The following NXN variants were observed in gnomAD, a reference collection of about 807,000 sequenced individuals.
NXN encodes the protein nucleoredoxin 1.
Under a neutral mutation model 48.6 loss-of-function variants are expected in NXN, and 16 were observed. The ratio of observed to expected loss-of-function variants is 0.33; its 90% CI spans 0.22 to 0.50. The LOEUF is 0.50. Among genes scored for constraint, NXN ranks in the 20% least tolerant of loss-of-function variants. The pLI is 0.98. For synonymous variants in NXN, 281 were observed against 269.6 expected, an observed-to-expected ratio of 1.04 and a Z score of -0.41; for missense variants, 492 against 605.5, an observed-to-expected ratio of 0.81 and a Z score of 1.97.
chr17:836,710 C>T (rs768432514), intron 1 of NXN, among the ~76,000 whole-genome samples: 3 of 152,176 alleles, frequency 2.0e-5, no homozygotes, highest in Non-Finnish European at 2.9e-5. Context: ...ATAACAGAAC[C>T]TACACCTCAC....
rs868002273 is a variant in NXN, at chr17:893,755, C to T, written c.361-67677G>A. ...CTCAACCCCTGGAAGCCAGAGGAAGCATCTCAACTCCCTGGAAGCCAGAGG... is the reference window on the plus strand; with the variant it reads ...CTCAACCCCTGGAAGCCAGAGGAAGTATCTCAACTCCCTGGAAGCCAGAGG... On this transcript the variant is annotated intron_variant, in intron 1 of 7. Transcript: ENST00000336868. Among the ~76,000 whole-genome samples the T allele has an allele frequency of 9.2e-3, 218 of 23,702 alleles. 5 individuals carry two copies. The highest frequency in any genetic ancestry group is 0.026 in the African/African-American group (70 of 2,692). 15.5% of individuals were successfully genotyped at this position (23,702 alleles called of 152,430 possible). A position where few individuals can be genotyped will look rare whatever the true frequency, so the allele number is the denominator to read the frequency against.
chr17:951,058 C>A (rs188401433), intron 1 of NXN, among the ~76,000 whole-genome samples: 31 of 151,610 alleles, frequency 2.0e-4, no homozygotes, highest in Non-Finnish European at 2.9e-5. Flanking sequence ...CACTTCCGGC[C>A]GGGCACGGTG....
chr17:906,185 A>C (rs4968126), intron 1 of NXN, among the ~76,000 whole-genome samples: 2 of 151,918 alleles, frequency 1.3e-5, no homozygotes, highest in Admixed American at 1.3e-4. Context: ...GACTTGCCTC[A>C]TTCTCAGGTA....
At chr17:818,013 C>G (rs552601462) in intron 5 of NXN, among the ~76,000 whole-genome samples, 18 of 152,282 alleles carry the variant, frequency 1.2e-4, no homozygotes, top group African/African-American at 4.1e-4. Context: ...CATCCCAGCA[C>G]TTTGGGAGGC....
rs892354184 is a variant in NXN at position 932,895 on chromosome 17, G to C, written c.360+46424C>G. Among the ~76,000 whole-genome samples the C allele has an allele frequency of 1.3e-5, 2 of 152,170 alleles. No homozygotes were observed. Among genetic ancestry groups the C allele is most frequent in the Non-Finnish European group, 2.9e-5 (2 of 68,020 alleles). The stretch of plus-strand genomic sequence containing the variant: ...ACTCCTGACCTCAGGTGATCCGCCC[G>C]CCTCGGCCTCCCTCAGTACTGGGAT... On this transcript the variant is annotated intron_variant, in intron 1 of 7. Transcript: ENST00000336868. This position sits in a 1 kb window ranked among gnomAD's most constrained non-coding sequence, Gnocchi z 4.1.
At chr17:963,260 A>AT (rs11381662) in intron 1 of NXN, among the ~76,000 whole-genome samples, 15,963 of 148,044 alleles carry the variant, frequency 0.11, 2,632 homozygotes, top group African/African-American at 0.35. Flanking sequence ...TTTATTTGAA[A>AT]TTTTTTTTTT....
chr17:871,141 G>C (rs896248126), intron 1 of NXN, among the ~76,000 whole-genome samples: 11 of 152,074 alleles, frequency 7.2e-5, no homozygotes, highest in African/African-American at 2.2e-4. Context: ...GATTACAGGC[G>C]TGAGCCACCG....
chr17:979,235 G>T (rs2069503921), intron 1 of NXN, 84 bp downstream of exon 1: 6 of 1,016,776 alleles, frequency 5.9e-6, no homozygotes, highest in Non-Finnish European at 7.5e-6. Flanking sequence ...GGTTGGCGGA[G>T]GGCAGGGGTA....
chr17:838,873 C>A (rs1008969004), intron 1 of NXN, among the ~76,000 whole-genome samples: 2 of 152,212 alleles, frequency 1.3e-5, no homozygotes, highest in African/African-American at 4.8e-5. Flanking sequence ...GTTTGGTCCT[C>A]ACTGGTCAGT....
Position 976,415 on chromosome 17 carries a change from T to C in NXN, c.360+2904A>G, listed in dbSNP as rs981985392. ...AACTAATTAGAACCATACCCTTTGT[T>C]ATCCCAATGGGAAGAAGTATACGCA... On this transcript the variant is annotated intron_variant, in intron 1 of 7. Transcript: ENST00000336868. Among the ~76,000 whole-genome samples the C allele has an allele frequency of 5.3e-5, 8 of 152,330 alleles. 1 individual carries two copies. Among genetic ancestry groups the C allele is most frequent in the Non-Finnish European group, 7.3e-5 (5 of 68,032 alleles).
rs563388859 is a variant in NXN at position 979,776 on chromosome 17, C to T, written c.-98G>A. 1 of 1,041,614 alleles carries T rather than the reference C, an allele frequency of 9.6e-7. No individual in the cohort carries two copies. The highest frequency in any genetic ancestry group is 1.2e-6 in the Non-Finnish European group (1 of 818,520). The allele number at this position is 1,041,614 out of a possible 1,614,324, so 64.5% of individuals were successfully genotyped here. ...CGTCGGCGGCAGGCGCTGGGGAGAGCAGAGCCCGGCCCAGTAGGGCCGCCC... is the reference window on the plus strand; with the variant it reads ...CGTCGGCGGCAGGCGCTGGGGAGAGTAGAGCCCGGCCCAGTAGGGCCGCCC... On this transcript the variant is annotated 5_prime_UTR_variant, in exon 1 of 8. Coordinates refer to ENST00000336868, the MANE Select transcript of NXN (RefSeq NM_022463.5).
intron 1 of NXN, among the ~76,000 whole-genome samples, chr17:883,491 A>C (rs1444433306): frequency 6.6e-6 from 1 of 152,202 alleles, no homozygotes; most frequent in Non-Finnish European, 1.5e-5. Flanking sequence ...CCATGACCTC[A>C]GGCTAAGGAA....
intron 2 of NXN, among the ~76,000 whole-genome samples, chr17:824,586 G>C (rs1360527504): frequency 7.2e-5 from 11 of 152,180 alleles, no homozygotes; most frequent in Admixed American, 7.2e-4. Context: ...GAATCAGCTG[G>C]GGAGTTTAAA....
At chr17:877,549 C>T (rs576325163) in intron 1 of NXN, among the ~76,000 whole-genome samples, 6 of 152,278 alleles carry the variant, frequency 3.9e-5, no homozygotes, top group East Asian at 1.9e-4. Flanking sequence ...AATTGATACA[C>T]GAGCCTTTCT....
chr17:894,994 CTTTTTTTTTTTTTTTTTTTTTTT>C (rs778350779), intron 1 of NXN, among the ~76,000 whole-genome samples: 8 of 60,822 alleles, frequency 1.3e-4, no homozygotes, highest in East Asian at 1.2e-3. Context: ...TCACCCTTTC[CTTTTTTTTTTTTTTTTTTTTTTT>C]TTTTTTTTTT....
rs921343231 is a variant in NXN, at chr17:808,228, C to T, written c.821-2981G>A. 3.3e-5 allele frequency among the ~76,000 whole-genome samples: 5 copies of T among 152,194 alleles called. 1 individual carries two copies. The highest frequency in any genetic ancestry group is 1.2e-4 in the African/African-American group (5 of 41,448). On this transcript the variant is annotated intron_variant, in intron 5 of 7. Coordinates refer to ENST00000336868, the MANE Select transcript of NXN (RefSeq NM_022463.5). ...CTCCTGGGGGAGAAGGCTGAGACCACAGCCACCATTTCCCTTTCTCCCCCT... is the reference window on the plus strand; with the variant it reads ...CTCCTGGGGGAGAAGGCTGAGACCATAGCCACCATTTCCCTTTCTCCCCCT...
At chr17:875,761 T>TAAAA (rs35059194) in intron 1 of NXN, among the ~76,000 whole-genome samples, 1 of 143,396 alleles carries the variant, frequency 7.0e-6, no homozygotes, top group African/African-American at 2.6e-5. Context: ...CCTGGTAAAT[T>TAAAA]AAAAAAAAAA....
At chr17:870,159 C>A (rs987609125) in intron 1 of NXN, among the ~76,000 whole-genome samples, 1 of 152,124 alleles carries the variant, frequency 6.6e-6, no homozygotes, top group Non-Finnish European at 1.5e-5. Context: ...GTCAGCAGGG[C>A]CAAGAAACCC....
chr17:810,813 C>T (rs1167014193), intron 5 of NXN, among the ~76,000 whole-genome samples: 13 of 152,168 alleles, frequency 8.5e-5, no homozygotes, highest in Admixed American at 2.6e-4. Context: ...CGCTTGAACG[C>T]GGGAGGCAGA....
Sources: allele counts gnomAD v4.1 joint callset (sites outside exome capture counted in the v4.1 genomes callset), GRCh38; gene constraint gnomAD v4.1.1; non-coding constraint Gnocchi (gnomAD v3.1); transcripts MANE v1.5; gene names NCBI Gene and HGNC (gene_info 2026-07-23, HGNC 2026-07-21).